The following BCAR3 variants were observed in gnomAD, a reference collection of about 807,000 sequenced individuals.
BCAR3 encodes breast cancer anti-estrogen resistance protein 3.
BCAR3 carries 37 observed loss-of-function variants against 80.1 expected under a neutral mutation model. That is an observed-to-expected ratio of 0.46 (90% CI 0.36 to 0.61). The LOEUF (loss-of-function observed/expected upper bound fraction) is 0.61, where lower values mean the gene tolerates loss of function less well. Ranked by LOEUF, BCAR3 falls within the 20% of genes least tolerant of loss-of-function variation. The pLI is 0.00. For missense variants in BCAR3, 978 were observed against 1,068.2 expected (o/e 0.92, Z 1.18); for synonymous variants, 389 against 418.9 (o/e 0.93, Z 0.87).
intron 9 of BCAR3, among the ~76,000 whole-genome samples, chr1:93,568,996 T>C (rs1673093776): frequency 6.6e-6 from 1 of 152,150 alleles, no homozygotes; most frequent in South Asian, 2.1e-4. Flanking sequence ...ACTCATTTCT[T>C]TTCTTCTGCA....
intron 2 of BCAR3, among the ~76,000 whole-genome samples, chr1:93,804,368 CAG>C (rs2100793844): frequency 6.6e-6 from 1 of 152,162 alleles, no homozygotes; most frequent in Non-Finnish European, 1.5e-5. Context: ...AAACTAGGCA[CAG>C]TAAGAGATTA....
chr1:93,762,114 C>T (rs749050994), intron 2 of BCAR3, among the ~76,000 whole-genome samples: 1 of 152,164 alleles, frequency 6.6e-6, no homozygotes, highest in African/African-American at 2.4e-5. Flanking sequence ...ATGAAAATAG[C>T]TCTTTAAACT....
intron 2 of BCAR3, among the ~76,000 whole-genome samples, chr1:93,820,640 T>C (rs963214375): frequency 6.6e-6 from 1 of 152,234 alleles, no homozygotes; most frequent in Non-Finnish European, 1.5e-5. Flanking sequence ...TCCTGACATG[T>C]GGATGTGTTC....
chr1:93,698,530 C>T (rs1649508504), intron 3 of BCAR3, among the ~76,000 whole-genome samples: 1 of 152,148 alleles, frequency 6.6e-6, no homozygotes, highest in Non-Finnish European at 1.5e-5. Context: ...CCTTCAGGAC[C>T]ATCCCACTCA....
chr1:93,712,816 G>A (rs1181749827), intron 2 of BCAR3, among the ~76,000 whole-genome samples: 1 of 152,146 alleles, frequency 6.6e-6, no homozygotes, highest in Non-Finnish European at 1.5e-5. Context: ...TTAGAATCAG[G>A]ATTAAACCTG....
upstream of BCAR3, among the ~76,000 whole-genome samples, chr1:93,682,125 C>A (rs979017496): frequency 6.6e-6 from 1 of 152,234 alleles, no homozygotes; most frequent in Admixed American, 6.5e-5. Context: ...CCCAACAGAT[C>A]TGCTTTGCTC....
At chr1:93,665,757 A>T (rs965665732) in intron 2 of BCAR3, among the ~76,000 whole-genome samples, 42 of 152,192 alleles carry the variant, frequency 2.8e-4, no homozygotes, top group African/African-American at 9.9e-4. Flanking sequence ...AACCCCAAAC[A>T]GAAGTCCTGA....
At chr1:93,788,921 G>A (rs1448476031) in intron 2 of BCAR3, among the ~76,000 whole-genome samples, 1 of 152,124 alleles carries the variant, frequency 6.6e-6, no homozygotes, top group Non-Finnish European at 1.5e-5. Flanking sequence ...TAGAGAATGT[G>A]TGATTTTAGT....
chr1:93,640,732 A>G lies in BCAR3; in HGVS notation c.357+1572T>C, dbSNP rs143058846. Among the ~76,000 whole-genome samples the G allele has an allele frequency of 2.0e-5, 3 of 152,336 alleles. No individual in the cohort carries two copies. In the East Asian group the frequency reaches 5.8e-4, roughly 29 times the overall value. ...ATAATACCTAAACAGGCCATTCCAA[A>G]ATCCTCTATATTTAGCTTGAGAATG... On this transcript the variant is annotated intron_variant, in intron 3 of 11. Transcript: ENST00000260502.
upstream of BCAR3, chr1:93,848,139 C>G (rs1303497109): frequency 6.5e-6 from 1 of 152,776 alleles, no homozygotes; most frequent in African/African-American, 2.4e-5. Context: ...CAGCGGGAGC[C>G]CGTCAAAAAT....
intron 2 of BCAR3, among the ~76,000 whole-genome samples, chr1:93,826,756 A>G (rs182454174): frequency 6.6e-6 from 1 of 152,264 alleles, no homozygotes. Context: ...TCGAAACTTG[A>G]AGAATGGAGA....
At chr1:93,723,835 CG>C (rs2100673655) in intron 2 of BCAR3, among the ~76,000 whole-genome samples, 1 of 152,216 alleles carries the variant, frequency 6.6e-6, no homozygotes, top group East Asian at 1.9e-4. Context: ...CAGGGCCTCT[CG>C]GCAGTTCTCT....
chr1:93,734,018 T>C (rs763150847), intron 2 of BCAR3, among the ~76,000 whole-genome samples: 3 of 152,194 alleles, frequency 2.0e-5, no homozygotes, highest in Non-Finnish European at 4.4e-5. Flanking sequence ...GAGGAGAAAG[T>C]TCCAGGCTGC....
intron 2 of BCAR3, among the ~76,000 whole-genome samples, chr1:93,761,409 G>A (rs933413845): frequency 1.3e-5 from 2 of 152,132 alleles, no homozygotes; most frequent in African/African-American, 4.8e-5. Flanking sequence ...CTTCCCCACT[G>A]AGATTAATAC....
Position 93,562,031 on chromosome 1 carries a change from A to ATAAAT in BCAR3, c.*205_*209dup, listed in dbSNP as rs1241794647. ...AACATTAGCAGTAGTTACCTTAATA[A>ATAAAT]TAAATTATTCATTTTAAAATCAGTA... On this transcript the variant is annotated 3_prime_UTR_variant, in exon 12 of 12. Coordinates refer to ENST00000260502, the MANE Select transcript of BCAR3 (RefSeq NM_003567.4). 2.3e-6 allele frequency: 1 copy of ATAAAT among 430,138 alleles called. No homozygotes were observed. Among genetic ancestry groups the ATAAAT allele is most frequent in the East Asian group, 3.8e-5 (1 of 26,250 alleles). 26.6% of individuals were successfully genotyped at this position (430,138 alleles called of 1,614,324 possible). A position where few individuals can be genotyped will look rare whatever the true frequency, so the allele number is the denominator to read the frequency against.
chr1:93,814,694 C>T (rs923844027), intron 2 of BCAR3, among the ~76,000 whole-genome samples: 2 of 152,236 alleles, frequency 1.3e-5, no homozygotes, highest in African/African-American at 4.8e-5. Context: ...CACCGGCATC[C>T]ACTGGTGTTA....
intron 7 of BCAR3, 71 bp from the exon 8 acceptor site, chr1:93,576,200 A>C: frequency 8.6e-7 from 1 of 1,161,362 alleles, no homozygotes; most frequent in Non-Finnish European, 1.3e-6. Flanking sequence ...TCAGCATATG[A>C]GAAGAAACAC....
intron 1 of BCAR3, among the ~76,000 whole-genome samples, chr1:93,679,621 T>C (rs1648660563): frequency 6.6e-6 from 1 of 152,198 alleles, no homozygotes; most frequent in South Asian, 2.1e-4. Flanking sequence ...AGACTCTGCA[T>C]CTTGATATGA....
intron 2 of BCAR3, among the ~76,000 whole-genome samples, chr1:93,816,122 C>T (rs2747042): frequency 0.6 from 91,694 of 152,034 alleles, 28,915 homozygotes; most frequent in East Asian, 0.78. Context: ...GAGGACTATG[C>T]TGTCTTAATC....
Sources: gnomAD v4.1 joint callset for allele counts (sites outside exome capture counted in the v4.1 genomes callset) on GRCh38, gnomAD v4.1.1 for gene constraint, MANE v1.5 for transcripts, NCBI Gene and HGNC (gene_info 2026-07-23, HGNC 2026-07-21) for gene names.